CCDC148: variants seen among roughly 807,000 people sequenced by gnomAD.
CCDC148 encodes coiled-coil domain containing 148.
CCDC148 carries 89 observed loss-of-function variants against 85.7 expected under a neutral mutation model. The ratio of observed to expected loss-of-function variants is 1.04; its 90% confidence interval spans 0.87 to 1.24. CCDC148 has a LOEUF of 1.24. Among genes scored for constraint, CCDC148 ranks in the 50% most tolerant of loss-of-function variants. The probability of loss-of-function intolerance (pLI) is 0.00; values close to 1 mark genes in which losing one functional copy is unlikely to be tolerated. For missense variants in CCDC148, 692 were observed against 671.7 expected (o/e 1.03, Z -0.33); for synonymous variants, 230 against 213.9 (o/e 1.08, Z -0.66).
intron 11 of CCDC148, among the ~76,000 whole-genome samples, chr2:158,209,618 T>G (rs1033238490): frequency 6.6e-6 from 1 of 152,186 alleles, no homozygotes; most frequent in Non-Finnish European, 1.5e-5. Context: ...CGGATCTCTC[T>G]GCAGAAACCC....
chr2:158,391,974 C>A (rs182840096), intron 1 of CCDC148, among the ~76,000 whole-genome samples: 160 of 152,186 alleles, frequency 1.1e-3, no homozygotes, highest in Admixed American at 2.8e-3. Flanking sequence ...CCCAGATTCT[C>A]CCCAACTGGC....
chr2:158,175,474 T>A (rs1684534223), intron 13 of CCDC148, among the ~76,000 whole-genome samples: 1 of 151,964 alleles, frequency 6.6e-6, no homozygotes, highest in South Asian at 2.1e-4. Context: ...ATTCATTCCC[T>A]TCTTCTTCCT....
intron 11 of CCDC148, among the ~76,000 whole-genome samples, chr2:158,215,282 TA>T (rs1293140150): frequency 6.6e-6 from 1 of 152,202 alleles, no homozygotes; most frequent in African/African-American, 2.4e-5. Context: ...AACTAAATTT[TA>T]GAAGAAATAT....
At chr2:158,220,528 T>C (rs1574427818) in intron 11 of CCDC148, 67 bp downstream of exon 11, 3 of 1,060,458 alleles carry the variant, frequency 2.8e-6, no homozygotes, top group Non-Finnish European at 4.2e-6. Flanking sequence ...ATATTATTTA[T>C]TCTAACACTT....
chr2:158,225,278 A>C (rs1687443236), intron 10 of CCDC148, among the ~76,000 whole-genome samples: 1 of 152,228 alleles, frequency 6.6e-6, no homozygotes, highest in Non-Finnish European at 1.5e-5. Flanking sequence ...ATATGCACCC[A>C]AAACAGGAGC....
chr2:158,295,253 A>G (rs369317022), intron 9 of CCDC148, among the ~76,000 whole-genome samples: 1 of 151,964 alleles, frequency 6.6e-6, no homozygotes, highest in Non-Finnish European at 1.5e-5. Context: ...ACCAAAAAGA[A>G]TCCAGGACCA....
At chr2:158,399,884 T>C (rs919352410) in intron 1 of CCDC148, among the ~76,000 whole-genome samples, 1 of 152,096 alleles carries the variant, frequency 6.6e-6, no homozygotes, top group African/African-American at 2.4e-5. Flanking sequence ...CCCCATCATA[T>C]CACAAGCATT....
chr2:158,186,157 C>G (rs1357480843), intron 11 of CCDC148, among the ~76,000 whole-genome samples: 2 of 152,072 alleles, frequency 1.3e-5, no homozygotes, highest in African/African-American at 2.4e-5. Context: ...TGATACCATC[C>G]TGTCTGTTCT....
At chr2:158,276,938 G>T (rs1334339945) in intron 9 of CCDC148, among the ~76,000 whole-genome samples, 3 of 152,276 alleles carry the variant, frequency 2.0e-5, no homozygotes, top group South Asian at 2.1e-4. Context: ...ATTCCAAACT[G>T]CCCAGCTAAT....
chr2:158,191,223 T>G (rs191928427), intron 11 of CCDC148, among the ~76,000 whole-genome samples: 1 of 152,134 alleles, frequency 6.6e-6, no homozygotes, highest in African/African-American at 2.4e-5. Flanking sequence ...ATAAGATTAA[T>G]AAAACATGGC....
intron 1 of CCDC148, among the ~76,000 whole-genome samples, chr2:158,438,030 G>A (rs1025305979): frequency 4.9e-4 from 75 of 152,224 alleles, no homozygotes; most frequent in Non-Finnish European, 8.8e-4. Flanking sequence ...AATCAATATC[G>A]TGAAAATGGC....
At chr2:158,174,291 T>G (rs1684463769) in intron 13 of CCDC148, among the ~76,000 whole-genome samples, 2 of 152,120 alleles carry the variant, frequency 1.3e-5, no homozygotes, top group Admixed American at 6.6e-5. Flanking sequence ...GATGTGGATT[T>G]GAATCCAAAA....
At chr2:158,240,410 G>T (rs1688296394) in intron 10 of CCDC148, among the ~76,000 whole-genome samples, 2 of 148,532 alleles carry the variant, frequency 1.3e-5, no homozygotes, top group South Asian at 2.2e-4. Context: ...TTGTCTAACT[G>T]GGATCCAGTT....
At chr2:158,366,078 T>C in intron 1 of CCDC148, 1 of 1,521,532 alleles carries the variant, frequency 6.6e-7, no homozygotes. Flanking sequence ...TTTCCGTATC[T>C]GTTAAGGAAA....
At chr2:158,368,828 A>T (rs1684309981) in intron 1 of CCDC148, among the ~76,000 whole-genome samples, 1 of 152,092 alleles carries the variant, frequency 6.6e-6, no homozygotes, top group South Asian at 2.1e-4. Context: ...TCTACAGGGA[A>T]AAATCAGGAC....
At chr2:158,247,420 AC>A (rs1187139644) in intron 10 of CCDC148, among the ~76,000 whole-genome samples, 7 of 152,182 alleles carry the variant, frequency 4.6e-5, no homozygotes, top group Non-Finnish European at 7.3e-5. Flanking sequence ...TTCTAGGTAC[AC>A]CCTAGTGAAA....
At chr2:158,175,847 T>C (rs1039102961) in intron 13 of CCDC148, among the ~76,000 whole-genome samples, 10 of 152,118 alleles carry the variant, frequency 6.6e-5, no homozygotes, top group Non-Finnish European at 1.5e-4. Flanking sequence ...TTAATTTCAG[T>C]GACTGATATA....
rs766681923 is a variant in CCDC148, at chr2:158,338,982, A to T, written c.582+8T>A. On this transcript the variant is annotated splice_region_variant and intron_variant, in intron 6 of 13. Transcript: ENST00000283233. ...AAACACATAAATTATTAGCCACATC[A>T]CACTTACCTTTATACTCCAGTCTGA... 5.0e-6 allele frequency: 8 copies of T among 1,610,412 alleles called. No individual in the cohort carries two copies. In the South Asian group the frequency reaches 8.8e-5, roughly 18 times the overall value.
At chr2:158,207,035 C>T (rs1235893464) in intron 11 of CCDC148, among the ~76,000 whole-genome samples, 2 of 152,152 alleles carry the variant, frequency 1.3e-5, no homozygotes, top group South Asian at 4.1e-4. Flanking sequence ...TAGCCAGTTC[C>T]AATACTTTAT....
Sources: allele counts gnomAD v4.1 joint callset (sites outside exome capture counted in the v4.1 genomes callset), GRCh38; gene constraint gnomAD v4.1.1; transcripts MANE v1.5; gene names NCBI Gene and HGNC (gene_info 2026-07-23, HGNC 2026-07-21).